XRN1: variants seen among roughly 807,000 people sequenced by gnomAD.
XRN1 encodes the protein 5'-3' exoribonuclease 1, also known as strand-exchange protein 1 homolog.
XRN1 carries 67 observed loss-of-function variants against 222.3 expected under a neutral mutation model. The ratio of observed to expected loss-of-function variants is 0.30; its 90% CI spans 0.25 to 0.37. The LOEUF is 0.37. XRN1 is among the 10% of genes least tolerant of loss of function. The pLI is 1.00. For synonymous variants in XRN1, 643 were observed against 652.4 expected, an observed-to-expected ratio of 0.99 and a Z score of 0.22; for missense variants, 1,707 against 2,000.2, an observed-to-expected ratio of 0.85 and a Z score of 2.80.
chr3:142,426,395 T>C (rs2069247062), intron 3 of XRN1, among the ~76,000 whole-genome samples: 1 of 152,196 alleles, frequency 6.6e-6, no homozygotes, highest in South Asian at 2.1e-4. Context: ...CTACATCAAC[T>C]TGATAAGCTA....
chr3:142,347,115 T>C (rs2066166932), intron 33 of XRN1, 119 bp downstream of exon 33: 1 of 735,932 alleles, frequency 1.4e-6, no homozygotes, highest in Non-Finnish European at 2.1e-6. Flanking sequence ...AAAAACCACT[T>C]ATCGTATACT....
chr3:142,369,953 A>T (rs2066937542), intron 27 of XRN1, among the ~76,000 whole-genome samples: 1 of 151,496 alleles, frequency 6.6e-6, no homozygotes. Flanking sequence ...AGGCTGAGGC[A>T]GGAGAATTGC....
chr3:142,337,993 C>T (rs2065894625), intron 33 of XRN1, among the ~76,000 whole-genome samples: 2 of 152,168 alleles, frequency 1.3e-5, no homozygotes, highest in Non-Finnish European at 2.9e-5. Context: ...GCAAGCCTTG[C>T]CCCCATGGAC....
At chr3:142,343,271 T>G (rs990833893) in intron 33 of XRN1, among the ~76,000 whole-genome samples, 1 of 151,846 alleles carries the variant, frequency 6.6e-6, no homozygotes, top group African/African-American at 2.4e-5. Flanking sequence ...CTGGCCAAGA[T>G]GGTGAAACCC....
intron 20 of XRN1, among the ~76,000 whole-genome samples, chr3:142,395,580 T>C (rs1226103817): frequency 6.6e-6 from 1 of 152,130 alleles, no homozygotes; most frequent in African/African-American, 2.4e-5. Flanking sequence ...TTTGAACAAG[T>C]TGTCAATTTC....
intron 39 of XRN1, among the ~76,000 whole-genome samples, chr3:142,314,904 CAAAA>C (rs776430519): frequency 0.029 from 650 of 22,214 alleles, 1 homozygote; most frequent in African/African-American, 0.071. Flanking sequence ...GACTCTGTCT[CAAAA>C]AAAAAAAAAA....
intron 37 of XRN1, among the ~76,000 whole-genome samples, chr3:142,323,865 TA>T (rs1331984453): frequency 1.4e-5 from 2 of 145,196 alleles, no homozygotes; most frequent in Non-Finnish European, 3.1e-5. Context: ...TATTTTTTAC[TA>T]TTTTTTTTTT....
chr3:142,382,830 T>TATTTTAGAAACCAAGAGTTC (rs2067351968), intron 22 of XRN1, among the ~76,000 whole-genome samples: 1 of 149,454 alleles, frequency 6.7e-6, no homozygotes, highest in African/African-American at 2.5e-5. Context: ...CATATATACA[T>TATTTTAGAAACCAAGAGTTC]ATTTTAGAAA....
At chr3:142,358,165 G>A (rs889500459) in intron 30 of XRN1, among the ~76,000 whole-genome samples, 13 of 152,326 alleles carry the variant, frequency 8.5e-5, no homozygotes, top group South Asian at 2.1e-4. Flanking sequence ...CTAAGCAACA[G>A]GGTAAATGTC....
intron 27 of XRN1, among the ~76,000 whole-genome samples, chr3:142,366,231 T>C (rs2066807801): frequency 6.6e-6 from 1 of 152,210 alleles, no homozygotes; most frequent in Non-Finnish European, 1.5e-5. Flanking sequence ...TTAATTCTTA[T>C]CGAATTTTAA....
chr3:142,428,393 C>CAAA (rs56759656), intron 2 of XRN1, among the ~76,000 whole-genome samples: 8 of 85,602 alleles, frequency 9.3e-5, no homozygotes, highest in Admixed American at 1.3e-4. Context: ...CAAGACTCTC[C>CAAA]AAAAAAAAAA....
chr3:142,405,791 C>T (rs1033846490), intron 15 of XRN1, among the ~76,000 whole-genome samples: 69 of 152,008 alleles, frequency 4.5e-4, no homozygotes, highest in Non-Finnish European at 7.4e-5. Flanking sequence ...AAAGCACATA[C>T]ACTTCTGAAC....
At chr3:142,367,233 G>C (rs2066844953) in intron 27 of XRN1, among the ~76,000 whole-genome samples, 2 of 152,026 alleles carry the variant, frequency 1.3e-5, no homozygotes, top group Admixed American at 6.6e-5. Flanking sequence ...GTTGCAGTGA[G>C]TCGAGATTGC....
chr3:142,404,766 A>T, intron 16 of XRN1, 141 bp downstream of exon 16: 1 of 742,754 alleles, frequency 1.3e-6, no homozygotes, highest in Non-Finnish European at 2.2e-6. Context: ...GATGTAACTC[A>T]TTGATTATCA....
intron 2 of XRN1, among the ~76,000 whole-genome samples, chr3:142,431,908 A>AC (rs2069584590): frequency 1.9e-5 from 1 of 51,498 alleles, no homozygotes; most frequent in Non-Finnish European, 3.4e-5. Flanking sequence ...TATATTATAT[A>AC]TATAAATATA....
At chr3:142,444,300 T>A (rs1174538864) in intron 1 of XRN1, among the ~76,000 whole-genome samples, 1 of 151,868 alleles carries the variant, frequency 6.6e-6, no homozygotes, top group Non-Finnish European at 1.5e-5. Flanking sequence ...AGATTTAAAT[T>A]AAAACAAACA....
At position 142,448,004 on chromosome 3, in the gene XRN1, C is replaced by G; in HGVS notation, c.-60G>C. On this transcript the variant is annotated 5_prime_UTR_variant, in exon 1 of 41. Transcript: ENST00000392981. ...ACCGAAACCAAACGCCCCGCCGGGG[C>G]TCCGCCGCAGCCTCCGGTCGTCGCT... is the stretch of plus-strand genomic sequence containing the variant. The G allele has an allele frequency of 3.2e-6, 5 of 1,570,010 alleles. No individual in the cohort carries two copies. Among genetic ancestry groups the G allele is most frequent in the Non-Finnish European group, 4.4e-6 (5 of 1,144,924 alleles).
intron 33 of XRN1, among the ~76,000 whole-genome samples, chr3:142,346,028 T>C (rs1463144086): frequency 6.6e-6 from 1 of 152,242 alleles, no homozygotes; most frequent in African/African-American, 2.4e-5. Flanking sequence ...ATTTCACTCA[T>C]ATGCATATAC....
At chr3:142,329,137 T>A (rs1299588314) in intron 37 of XRN1, among the ~76,000 whole-genome samples, 2 of 151,928 alleles carry the variant, frequency 1.3e-5, no homozygotes, top group Non-Finnish European at 2.9e-5. Flanking sequence ...CCAAAAAAAG[T>A]GTGAAGTTTC....
Sources: allele counts gnomAD v4.1 joint callset (sites outside exome capture counted in the v4.1 genomes callset), GRCh38; gene constraint gnomAD v4.1.1; transcripts MANE v1.5; gene names NCBI Gene and HGNC (gene_info 2026-07-23, HGNC 2026-07-21).